DOCK3: variants seen among roughly 807,000 people sequenced by gnomAD.
DOCK3 encodes the protein dedicator of cytokinesis 3, also known as dedicator of cytokinesis protein 3.
Under a neutral mutation model 265.6 loss-of-function variants are expected in DOCK3, and 60 were observed. The observed-to-expected ratio is 0.23, with a 90% CI of 0.18 to 0.28. DOCK3 has a LOEUF of 0.28. Among genes scored for constraint, DOCK3 ranks in the 10% least tolerant of loss-of-function variants. The probability of loss-of-function intolerance (pLI) is 1.00; values close to 1 mark genes in which losing one functional copy is unlikely to be tolerated. For missense variants in DOCK3, 1,981 were observed against 2,594.3 expected (o/e 0.76, Z 5.14); for synonymous variants, 881 against 938.0 (o/e 0.94, Z 1.11).
chr3:50,817,843 G>C (rs559957901), intron 2 of DOCK3, among the ~76,000 whole-genome samples: 1 of 152,300 alleles, frequency 6.6e-6, no homozygotes, highest in South Asian at 2.1e-4. Flanking sequence ...AGGCTGAGAA[G>C]AGGGCTTTAT....
intron 26 of DOCK3, among the ~76,000 whole-genome samples, chr3:51,279,637 A>T (rs2081006656): frequency 6.6e-6 from 1 of 152,174 alleles, no homozygotes; most frequent in Non-Finnish European, 1.5e-5. Flanking sequence ...TTGTTTGCCC[A>T]GTCCAGTAAC....
intron 9 of DOCK3, among the ~76,000 whole-genome samples, chr3:51,128,442 A>G (rs1364371147): frequency 6.6e-6 from 1 of 152,236 alleles, no homozygotes; most frequent in Non-Finnish European, 1.5e-5. Context: ...ATGATGGGGA[A>G]CATGGTAATA....
At chr3:50,728,136 A>G (rs1247873728) in intron 1 of DOCK3, among the ~76,000 whole-genome samples, 1 of 152,230 alleles carries the variant, frequency 6.6e-6, no homozygotes, top group Non-Finnish European at 1.5e-5. Context: ...AAACCGTAAA[A>G]TAATCAGGAA....
chr3:50,921,527 C>T (rs1039723997), intron 4 of DOCK3, among the ~76,000 whole-genome samples: 49 of 152,290 alleles, frequency 3.2e-4, no homozygotes, highest in Non-Finnish European at 6.0e-4. Context: ...TTTGTTATTA[C>T]TGATCGTCTC....
chr3:51,283,568 G>A (rs1045822129), intron 27 of DOCK3, among the ~76,000 whole-genome samples: 1 of 152,188 alleles, frequency 6.6e-6, no homozygotes, highest in Non-Finnish European at 1.5e-5. Context: ...TGGCAGTCTG[G>A]CTTCTTACTG....
At chr3:51,267,113 A>G (rs1467687205) in intron 23 of DOCK3, among the ~76,000 whole-genome samples, 2 of 152,224 alleles carry the variant, frequency 1.3e-5, no homozygotes, top group African/African-American at 2.4e-5. Flanking sequence ...CAAAACCACA[A>G]TGAGATACCA....
At chr3:51,214,066 A>G in intron 13 of DOCK3, 56 bp from the exon 14 acceptor site, 2 of 1,607,758 alleles carry the variant, frequency 1.2e-6, no homozygotes, top group Non-Finnish European at 1.7e-6. Flanking sequence ...TGTCTTTTCA[A>G]GTACTATATA....
At chr3:50,822,700 C>T (rs2044515643) in intron 2 of DOCK3, among the ~76,000 whole-genome samples, 1 of 152,032 alleles carries the variant, frequency 6.6e-6, no homozygotes, top group African/African-American at 2.4e-5. Context: ...GCTGTGTTGC[C>T]CAGGCTGGTA....
intron 14 of DOCK3, among the ~76,000 whole-genome samples, chr3:51,224,104 TTTC>T (rs2090218609): frequency 6.6e-6 from 1 of 152,222 alleles, no homozygotes; most frequent in Non-Finnish European, 1.5e-5. Flanking sequence ...CAAAACACAT[TTTC>T]TTCTTCCTTC....
At chr3:51,368,516 C>T (rs764207788) in intron 49 of DOCK3, among the ~76,000 whole-genome samples, 4 of 152,238 alleles carry the variant, frequency 2.6e-5, no homozygotes, top group East Asian at 1.9e-4. Context: ...GAGGGGCATC[C>T]GCCATTGCTG....
intron 27 of DOCK3, among the ~76,000 whole-genome samples, chr3:51,309,456 C>G (rs1038133772): frequency 6.6e-6 from 1 of 152,180 alleles, no homozygotes; most frequent in African/African-American, 2.4e-5. Flanking sequence ...TGGCGGCGCG[C>G]GCCTGCAATC....
At chr3:51,278,108 C>T (rs1234164478) in intron 26 of DOCK3, 1 of 985,296 alleles carries the variant, frequency 1.0e-6, no homozygotes, top group African/African-American at 1.7e-5. Context: ...TAGGAACCCC[C>T]TCATACAGGT....
At chr3:50,908,377 T>G (rs2049663920) in intron 4 of DOCK3, among the ~76,000 whole-genome samples, 2 of 152,010 alleles carry the variant, frequency 1.3e-5, no homozygotes, top group South Asian at 4.2e-4. Flanking sequence ...TATAAACTTG[T>G]GTCTTAACCC....
chr3:50,778,780 A>T, intron 2 of DOCK3, 22 bp downstream of exon 2: 3 of 1,512,302 alleles, frequency 2.0e-6, no homozygotes, highest in Non-Finnish European at 2.7e-6. Context: ...CCTACAAAGC[A>T]CATAAATTGT....
intron 4 of DOCK3, among the ~76,000 whole-genome samples, chr3:50,911,599 G>A (rs895654420): frequency 6.6e-6 from 1 of 151,942 alleles, no homozygotes; most frequent in African/African-American, 2.4e-5. Context: ...GATGCCTCCA[G>A]CTTTGTTCTT....
intron 49 of DOCK3, among the ~76,000 whole-genome samples, chr3:51,364,145 C>T (rs1463094451): frequency 6.6e-6 from 1 of 152,186 alleles, no homozygotes; most frequent in Non-Finnish European, 1.5e-5. Flanking sequence ...CTCTCCAGCA[C>T]CTGTTGTTTC....
chr3:50,783,992 C>T lies in DOCK3; in HGVS notation c.121+5234C>T, dbSNP rs185062318. On this transcript the variant is annotated intron_variant, in intron 2 of 52. Transcript: ENST00000266037. ...AAGTGATTTTCCTGTCTCGACCTCC[C>T]GAGTAGCTGAGATTACAGGTGCCTG... Among the ~76,000 whole-genome samples, 437 of 152,072 alleles carry T rather than the reference C, an allele frequency of 2.9e-3. 1 individual carries two copies. The highest frequency in any genetic ancestry group is 9.6e-3 in the African/African-American group (400 of 41,492).
intron 12 of DOCK3, among the ~76,000 whole-genome samples, chr3:51,183,268 G>A (rs2087405250): frequency 6.6e-6 from 1 of 152,200 alleles, no homozygotes; most frequent in African/African-American, 2.4e-5. Context: ...ATTCATGGTT[G>A]ATTGCATGTG....
At chr3:51,026,224 T>A (rs2079810090) in intron 5 of DOCK3, among the ~76,000 whole-genome samples, 1 of 152,200 alleles carries the variant, frequency 6.6e-6, no homozygotes, top group Non-Finnish European at 1.5e-5. Context: ...TCTGAGTCTA[T>A]TGAGATGGTC....
Sources: allele counts gnomAD v4.1 joint callset (sites outside exome capture counted in the v4.1 genomes callset), GRCh38; gene constraint gnomAD v4.1.1; transcripts MANE v1.5; gene names NCBI Gene and HGNC (gene_info 2026-07-23, HGNC 2026-07-21).